The following CLUAP1 variants were observed in gnomAD, a reference collection of about 807,000 sequenced individuals.
CLUAP1 encodes intraflagellar transport 38, also known as clusterin-associated protein 1.
Under a neutral mutation model 55.0 loss-of-function variants are expected in CLUAP1, and 50 were observed. The observed-to-expected ratio is 0.91, with a 90% CI of 0.72 to 1.15. The LOEUF is 1.15. Among genes scored for constraint, CLUAP1 ranks in the 50% most tolerant of loss-of-function variants. The pLI is 0.00. For missense variants in CLUAP1, 530 were observed against 507.6 expected (o/e 1.04, Z -0.42); for synonymous variants, 195 against 175.4 (o/e 1.11, Z -0.88).
chr16:3,512,296 G>T, intron 4 of CLUAP1, 87 bp from the exon 5 acceptor site: 3 of 984,772 alleles, frequency 3.0e-6, no homozygotes, highest in Non-Finnish European at 4.8e-6. Context: ...AGGAGTTAGA[G>T]AGCAGCCTGG....
At chr16:3,529,371 T>TTG in intron 9 of CLUAP1, among the ~76,000 whole-genome samples, 1 of 118,626 alleles carries the variant, frequency 8.4e-6, no homozygotes, top group East Asian at 2.1e-4. Context: ...AGGGCCAGTT[T>TTG]TGTATGTGTG....
chr16:3,504,657 C>A, intron 1 of CLUAP1, 63 bp from the exon 2 acceptor site: 1 of 920,922 alleles, frequency 1.1e-6, no homozygotes, highest in African/African-American at 1.6e-5. Flanking sequence ...AAGACAATAT[C>A]TAAGTTAATA....
At chr16:3,515,650 T>A in intron 6 of CLUAP1, 59 bp downstream of exon 6, 1 of 1,190,528 alleles carries the variant, frequency 8.4e-7, no homozygotes, top group Non-Finnish European at 1.2e-6. Context: ...AAATACTGAT[T>A]TCTTGCCCAT....
intron 6 of CLUAP1, among the ~76,000 whole-genome samples, chr16:3,519,169 A>G (rs1002171068): frequency 6.6e-6 from 1 of 152,136 alleles, no homozygotes; most frequent in African/African-American, 2.4e-5. Context: ...TTCTCTTAGG[A>G]TAGGGAGACT....
intron 9 of CLUAP1, among the ~76,000 whole-genome samples, chr16:3,529,727 A>AT (rs2038059526): frequency 3.2e-5 from 1 of 31,244 alleles, no homozygotes; most frequent in East Asian, 1.7e-3. Flanking sequence ...ATTATATATT[A>AT]TATATATTAT....
At chr16:3,520,678 C>T (rs2037816556) in intron 7 of CLUAP1, among the ~76,000 whole-genome samples, 1 of 152,242 alleles carries the variant, frequency 6.6e-6, no homozygotes, top group South Asian at 2.1e-4. Flanking sequence ...TAAGATCTTG[C>T]CATAAATTAG....
Position 3,523,161 on chromosome 16 carries a change from A to G in CLUAP1, c.717A>G (p.Pro239=), listed in dbSNP as rs1377632829. 4 of 1,608,816 alleles carry G rather than the reference A, an allele frequency of 2.5e-6. No individual in the cohort carries two copies. The highest frequency in any genetic ancestry group is 1.7e-5 in the Admixed American group (1 of 58,714). The part of the protein sequence containing the change: ...KRLETLQSVR[P]CFMDEYEKTE... ...TTATTTCATTTGCTTCTTTTAGGCC[A>G]TGTTTTATGGATGAGTATGAGAAGA... is the stretch of plus-strand genomic sequence containing the variant. Residue 239 remains proline (P), a synonymous_variant, in exon 8 of 12, where the codon CCA becomes CCG. Transcript: ENST00000576634.
upstream of CLUAP1, among the ~76,000 whole-genome samples, chr16:3,500,391 G>T (rs2151036263): frequency 7.4e-6 from 1 of 135,062 alleles, no homozygotes. Flanking sequence ...TTTTTTTTGA[G>T]ACAGAGTCTC....
chr16:3,503,871 C>T (rs2037455151), intron 1 of CLUAP1, among the ~76,000 whole-genome samples: 2 of 152,178 alleles, frequency 1.3e-5, no homozygotes, highest in African/African-American at 2.4e-5. Flanking sequence ...CGAAGTCTGA[C>T]CTGACTTGCA....
intron 10 of CLUAP1, among the ~76,000 whole-genome samples, chr16:3,531,531 A>G (rs2038118904): frequency 6.6e-6 from 1 of 152,100 alleles, no homozygotes; most frequent in African/African-American, 2.4e-5. Flanking sequence ...CAAAAAAAAA[A>G]AAAGAGTTAA....
chr16:3,500,554 A>G (rs2037370529), upstream of CLUAP1, among the ~76,000 whole-genome samples: 1 of 152,036 alleles, frequency 6.6e-6, no homozygotes, highest in South Asian at 2.1e-4. Context: ...ATTTTTTGGT[A>G]GAGACGGGGT....
intron 5 of CLUAP1, among the ~76,000 whole-genome samples, chr16:3,513,143 C>T (rs926579569): frequency 4.6e-5 from 7 of 152,178 alleles, no homozygotes; most frequent in Admixed American, 6.6e-5. Context: ...TGCAGTTCCC[C>T]GACCTTGCTG....
upstream of CLUAP1, among the ~76,000 whole-genome samples, chr16:3,498,666 T>C (rs1370689083): frequency 6.6e-6 from 1 of 152,050 alleles, no homozygotes; most frequent in African/African-American, 2.4e-5. Flanking sequence ...CAGACCATCC[T>C]GGCAAACACG....
At chr16:3,517,775 A>G (rs1300981602) in intron 6 of CLUAP1, among the ~76,000 whole-genome samples, 1 of 152,190 alleles carries the variant, frequency 6.6e-6, no homozygotes, top group Non-Finnish European at 1.5e-5. Context: ...ATTCCTGCCA[A>G]CGATGCATAT....
At position 3,504,721 on chromosome 16, in the gene CLUAP1, T is replaced by C. The variant is rs1437871425; in HGVS notation, c.24T>C (p.Asn8=). The change falls in exon 2 of 12, where the codon AAT becomes AAC. Residue 8 remains asparagine (N), a splice_region_variant and synonymous_variant. Coordinates refer to ENST00000576634, the MANE Select transcript of CLUAP1 (RefSeq NM_015041.3). MSFRDLR[N]FTEMMRALGY... ...TGAATTGTATTTTTCCTTGGACAGA[T>C]TTCACAGAGATGATGAGAGCCCTGG... The C allele has an allele frequency of 6.4e-7, 1 of 1,572,184 alleles. No individual in the cohort carries two copies. Among genetic ancestry groups the C allele is most frequent in the South Asian group, 1.1e-5 (1 of 90,216 alleles).
chr16:3,528,500 T>G (rs1285762795), intron 9 of CLUAP1, among the ~76,000 whole-genome samples: 2 of 152,152 alleles, frequency 1.3e-5, no homozygotes, highest in Admixed American at 1.3e-4. Context: ...AGCCCTCCCC[T>G]TTTTAGTTCC....
intron 9 of CLUAP1, among the ~76,000 whole-genome samples, chr16:3,526,787 T>A (rs1264886100): frequency 6.6e-6 from 1 of 152,190 alleles, no homozygotes; most frequent in African/African-American, 2.4e-5. Flanking sequence ...ACACATTTCG[T>A]TCTTGTGCCA....
At chr16:3,530,019 T>C (rs77517231) in intron 9 of CLUAP1, among the ~76,000 whole-genome samples, 2,702 of 147,006 alleles carry the variant, frequency 0.018, 92 homozygotes, top group African/African-American at 0.058. Context: ...TTGTCTGAAA[T>C]TTAATGAGCC....
intron 11 of CLUAP1, chr16:3,533,617 A>G (rs1004705132): frequency 4.7e-5 from 8 of 170,666 alleles, no homozygotes; most frequent in African/African-American, 1.7e-4. Context: ...TCCAGTCATC[A>G]GGGCTCTGCC....
Sources: gnomAD v4.1 joint callset for allele counts (sites outside exome capture counted in the v4.1 genomes callset) on GRCh38, gnomAD v4.1.1 for gene constraint, MANE v1.5 for transcripts, NCBI Gene and HGNC (gene_info 2026-07-23, HGNC 2026-07-21) for gene names.